Variants in TNKS observed in about 807,000 individuals in gnomAD.
TNKS encodes the protein poly [ADP-ribose] polymerase tankyrase-1.
TNKS carries 72 observed loss-of-function variants against 135.8 expected under a neutral mutation model. The ratio of observed to expected loss-of-function variants is 0.53; its 90% CI spans 0.44 to 0.64. The LOEUF is 0.64. Ranked by LOEUF, TNKS falls within the 30% of genes least tolerant of loss-of-function variation. TNKS has a pLI of 0.00. For synonymous variants in TNKS, 849 were observed against 649.3 expected, an observed-to-expected ratio of 1.31 and a Z score of -4.68; for missense variants, 1,769 against 1,674.0, an observed-to-expected ratio of 1.06 and a Z score of -0.99.
At chr8:9,703,549 A>G (rs950550300) in intron 5 of TNKS, among the ~76,000 whole-genome samples, 2 of 152,336 alleles carry the variant, frequency 1.3e-5, no homozygotes, top group East Asian at 1.9e-4. Flanking sequence ...TCTAATCTGA[A>G]TGGTCTCCTC....
Position 9,556,112 on chromosome 8 carries a change from C to T in TNKS, c.173C>T (p.Ser58Phe), listed in dbSNP as rs1815278595. Residue 58 changes from serine (S) to phenylalanine (F), a missense_variant, in exon 1 of 27, where the codon TCC (serine) becomes TTC (phenylalanine). By Grantham distance (155) the Ser-to-Phe change is radical (BLOSUM62 -2). This residue lies in a region of TNKS where 450 missense variants were observed against 304.9 expected (regional missense o/e 1.48). Transcript: ENST00000310430. ...GCCAGCGGCCTGGCCCCCTTCGCCT[C>T]CCCGCGGCACGGCCTAGCGCTGCCG... ...PTASGLAPFA[S>F]PRHGLALPEG... 1 of 1,600,914 alleles carries T rather than the reference C, an allele frequency of 6.2e-7. No individual in the cohort carries two copies. Among genetic ancestry groups the T allele is most frequent in the Non-Finnish European group, 8.5e-7 (1 of 1,174,292 alleles).
At position 9,610,149 on chromosome 8, in the gene TNKS, G is replaced by T. The variant is rs192823809; in HGVS notation, c.899-5433G>T. ...TGAGATTACAGACATGAGCTACTGC[G>T]CCCGGCCTTGAATTTTCATAGTTAC... On this transcript the variant is annotated intron_variant, in intron 2 of 26. Transcript: ENST00000310430. Among the ~76,000 whole-genome samples, 8 of 149,228 alleles carry T rather than the reference G, an allele frequency of 5.4e-5. No individual in the cohort carries two copies. In the East Asian group the frequency reaches 1.2e-3, roughly 22 times the overall value.
At chr8:9,763,401 T>A in intron 22 of TNKS, among the ~76,000 whole-genome samples, 157 bp downstream of exon 22, 1 of 152,244 alleles carries the variant, frequency 6.6e-6, no homozygotes, top group South Asian at 2.1e-4. Flanking sequence ...AATTAAAATA[T>A]GACGGCGCCC....
intron 20 of TNKS, among the ~76,000 whole-genome samples, 167 bp downstream of exon 20, chr8:9,752,793 A>C (rs535512754): frequency 2.3e-4 from 33 of 144,608 alleles, no homozygotes; most frequent in African/African-American, 8.2e-4. Context: ...CCATCTCTAC[A>C]AAAAAAAAAG....
chr8:9,580,688 C>T (rs939911106), intron 2 of TNKS, among the ~76,000 whole-genome samples: 1 of 151,954 alleles, frequency 6.6e-6, no homozygotes, highest in African/African-American at 2.4e-5. Context: ...TTCTATCCTA[C>T]CATCAATGAG....
At chr8:9,745,081 T>G (rs1304594069) in intron 17 of TNKS, among the ~76,000 whole-genome samples, 144 of 152,314 alleles carry the variant, frequency 9.5e-4, no homozygotes, top group Middle Eastern at 3.4e-3. Flanking sequence ...ACAGTTTAAG[T>G]AGCTTGTAAC....
intron 25 of TNKS, 61 bp from the exon 26 acceptor site, chr8:9,770,045 A>C: frequency 6.9e-7 from 1 of 1,454,714 alleles, no homozygotes; most frequent in Middle Eastern, 1.8e-4. Flanking sequence ...TAGATCTAGC[A>C]GTTATATTAT....
intron 1 of TNKS, among the ~76,000 whole-genome samples, chr8:9,568,234 T>C (rs1394894113): frequency 6.6e-6 from 1 of 152,184 alleles, no homozygotes; most frequent in Non-Finnish European, 1.5e-5. Flanking sequence ...CCATGGTGTG[T>C]TTTTCCCCCT....
chr8:9,740,617 G>A (rs554400980), intron 17 of TNKS, among the ~76,000 whole-genome samples: 1 of 152,184 alleles, frequency 6.6e-6, no homozygotes, highest in Non-Finnish European at 1.5e-5. Flanking sequence ...TATTTAATGA[G>A]TGTTAGTACT....
intron 3 of TNKS, among the ~76,000 whole-genome samples, chr8:9,679,324 T>G (rs1211105634): frequency 6.6e-6 from 1 of 152,222 alleles, no homozygotes; most frequent in African/African-American, 2.4e-5. Context: ...TTCACTGTTT[T>G]GGTTTTTGGA....
Position 9,776,667 on chromosome 8 carries a change from T to C in TNKS, c.3915T>C (p.Leu1305=), listed in dbSNP as rs1490465689. The change falls in exon 27 of 27, where the codon CTT becomes CTC. Residue 1305 remains leucine (L), a synonymous_variant. Transcript: ENST00000310430. Reference sequence around the variant, plus strand: ...CTTCCCAGGCATACCCAGAGTATCTTATCACTTACCAGATCATGAAGCCAG... The same window carrying C: ...CTTCCCAGGCATACCCAGAGTATCTCATCACTTACCAGATCATGAAGCCAG... ...YRGEQAYPEY[L]ITYQIMKPEA... 1 of 1,613,878 alleles carries C rather than the reference T, an allele frequency of 6.2e-7. No homozygotes were observed. The highest frequency in any genetic ancestry group is 1.7e-5 in the Admixed American group (1 of 59,990).
At chr8:9,716,066 C>A (rs942677632) in intron 11 of TNKS, among the ~76,000 whole-genome samples, 1 of 152,150 alleles carries the variant, frequency 6.6e-6, no homozygotes, top group Non-Finnish European at 1.5e-5. Context: ...TTATGTGCAT[C>A]TGTTAAATAC....
At chr8:9,716,923 T>A (rs1804629851) in intron 11 of TNKS, among the ~76,000 whole-genome samples, 1 of 151,342 alleles carries the variant, frequency 6.6e-6, no homozygotes, top group African/African-American at 2.4e-5. Flanking sequence ...AAAGGGAGAA[T>A]TATAAATAAG....
At chr8:9,747,140 C>A (rs994697693) in intron 17 of TNKS, among the ~76,000 whole-genome samples, 2 of 152,082 alleles carry the variant, frequency 1.3e-5, no homozygotes, top group African/African-American at 4.8e-5. Flanking sequence ...ACCTCAGCCT[C>A]CCAAAGTGCT....
chr8:9,612,414 A>G (rs1799495403), intron 2 of TNKS, among the ~76,000 whole-genome samples: 1 of 152,160 alleles, frequency 6.6e-6, no homozygotes, highest in African/African-American at 2.4e-5. Flanking sequence ...GGAACTTTGT[A>G]TAATATGCTT....
intron 1 of TNKS, among the ~76,000 whole-genome samples, chr8:9,564,019 A>G (rs1261111414): frequency 6.6e-6 from 1 of 152,208 alleles, no homozygotes; most frequent in African/African-American, 2.4e-5. Flanking sequence ...TCTCTCAGTA[A>G]GGTCTGCAGG....
intron 12 of TNKS, among the ~76,000 whole-genome samples, chr8:9,724,022 T>C (rs975202920): frequency 2.0e-5 from 3 of 152,222 alleles, no homozygotes; most frequent in African/African-American, 7.2e-5. Flanking sequence ...AACTACTAAG[T>C]CTATAAAAGA....
intron 11 of TNKS, among the ~76,000 whole-genome samples, chr8:9,715,376 A>T (rs1454293226): frequency 6.6e-6 from 1 of 151,656 alleles, no homozygotes; most frequent in Non-Finnish European, 1.5e-5. Context: ...GGCGGGTATG[A>T]TCATCTCTGG....
chr8:9,645,726 G>A (rs546231336), intron 3 of TNKS, among the ~76,000 whole-genome samples: 2 of 152,138 alleles, frequency 1.3e-5, no homozygotes, highest in African/African-American at 4.8e-5. Flanking sequence ...CATAAGTTGA[G>A]GATCCTCTGT....
Sources: gnomAD v4.1 joint callset for allele counts (sites outside exome capture counted in the v4.1 genomes callset) on GRCh38, gnomAD v4.1.1 for gene constraint, gnomAD v4.1.1 regional missense constraint, MANE v1.5 for transcripts, NCBI Gene and HGNC (gene_info 2026-07-23, HGNC 2026-07-21) for gene names.